RNF213: variants seen among roughly 807,000 people sequenced by gnomAD.
RNF213 encodes E3 ubiquitin-protein ligase RNF213.
In RNF213, 341 loss-of-function variants were observed where a neutral mutation model predicts 514.4. That is an observed-to-expected ratio of 0.66 (90% CI 0.61 to 0.73). The LOEUF is 0.73. Ranked by LOEUF, RNF213 falls within the 30% of genes least tolerant of loss-of-function variation. The pLI is 0.00. For synonymous variants in RNF213, 2,655 were observed against 2,658.2 expected (o/e 1.00, Z 0.04); for missense variants, 5,767 against 6,615.6 (o/e 0.87, Z 4.45).
chr17:80,323,231 A>G (rs1181667192), intron 17 of RNF213, among the ~76,000 whole-genome samples: 1 of 152,190 alleles, frequency 6.6e-6, no homozygotes, highest in Non-Finnish European at 1.5e-5. Flanking sequence ...TTTCAATTCT[A>G]TGTGGTGATC....
chr17:80,333,932 G>C, intron 21 of RNF213, 173 bp from the exon 22 acceptor site: 1 of 646,722 alleles, frequency 1.5e-6, no homozygotes, highest in South Asian at 1.9e-5. Flanking sequence ...AACAGCCATG[G>C]GGGTTTGATC....
rs1425499254 is a variant in RNF213, at chr17:80,391,759, CCTTT to C, written c.15470+1564_15470+1567del. 5.3e-5 allele frequency among the ~76,000 whole-genome samples: 7 copies of C among 132,280 alleles called. No individual in the cohort carries two copies. In the East Asian group the frequency reaches 1.3e-3, roughly 25 times the overall value. The allele number at this position is 132,280 out of a possible 152,430, so 86.8% of individuals were successfully genotyped here. ...TCCTTATCCCAGGATTATAAACTAGCCTTTTTTTTTTTTTTTTTTTTTTTTTTTT... is the reference window on the plus strand; with the variant it reads ...TCCTTATCCCAGGATTATAAACTAGCTTTTTTTTTTTTTTTTTTTTTTTTT... On this transcript the variant is annotated intron_variant, in intron 67 of 67. Coordinates refer to ENST00000582970, the MANE Select transcript of RNF213 (RefSeq NM_001256071.3).
At chr17:80,296,964 C>G (rs780942444) in intron 10 of RNF213, among the ~76,000 whole-genome samples, 15 of 151,358 alleles carry the variant, frequency 9.9e-5, no homozygotes, top group Non-Finnish European at 2.1e-4. Context: ...TAGACATGAG[C>G]CACTGTGCCT....
chr17:80,298,428 G>C lies in RNF213; in HGVS notation c.2120G>C (p.Arg707Pro). ...CACTGCTGTATGGAGCTGGCCCCGC[G>C]GCACAAGGATGCCTGGAGACAGCCT... ...VLHCCMELAP[R>P]HKDAWRQPED... The change falls in exon 11 of 68, where the codon CGG becomes CCG. Residue 707 changes from arginine to proline, a missense_variant. By Grantham distance (103) the Arg-to-Pro change is moderately radical. Around this residue, in one of 13 missense-constraint regions of RNF213, gnomAD observed 592 missense variants for 673.9 expected, o/e 0.88. Coordinates refer to ENST00000582970, the MANE Select transcript of RNF213 (RefSeq NM_001256071.3). 6.2e-7 allele frequency: 1 copy of C among 1,614,184 alleles called. No homozygotes were observed. Among genetic ancestry groups the C allele is most frequent in the East Asian group, 2.2e-5 (1 of 44,880 alleles).
At chr17:80,360,319 A>G (rs759830053) in intron 38 of RNF213, 113 bp downstream of exon 38, 2 of 1,235,040 alleles carry the variant, frequency 1.6e-6, no homozygotes, top group East Asian at 2.5e-5. Flanking sequence ...TGGAGTTTTT[A>G]GTTTTCACAC....
intron 36 of RNF213, chr17:80,355,299 G>A (rs1446884959): frequency 2.3e-6 from 1 of 439,058 alleles, no homozygotes; most frequent in South Asian, 1.6e-5. Flanking sequence ...CTGCAGGAGG[G>A]AACGTGAGGA....
At position 80,396,517 on chromosome 17, in the gene RNF213, C is replaced by G. The variant is rs796257076; in HGVS notation, c.*3019C>G. The stretch of plus-strand genomic sequence containing the variant: ...GCACTAGTGTGCTGAAGGAAAACAC[C>G]TCTGATTTGATACATAAAGTGTGAA... On this transcript the variant is annotated 3_prime_UTR_variant, in exon 68 of 68. Coordinates refer to ENST00000582970, the MANE Select transcript of RNF213 (RefSeq NM_001256071.3). 1.3e-5 allele frequency: 2 copies of G among 152,236 alleles called. No homozygotes were observed. The highest frequency in any genetic ancestry group is 4.8e-5 in the African/African-American group (2 of 41,542). The allele number at this position is 152,236 out of a possible 1,614,324, so 9.4% of individuals were successfully genotyped here.
chr17:80,274,500 G>A (rs1598893382), intron 3 of RNF213, among the ~76,000 whole-genome samples: 1 of 139,440 alleles, frequency 7.2e-6, no homozygotes, highest in African/African-American at 2.7e-5. Context: ...CTGCACTGGG[G>A]CTGGCTTTCT....
At chr17:80,306,995 C>T in intron 12 of RNF213, 133 bp from the exon 13 acceptor site, 1 of 866,310 alleles carries the variant, frequency 1.2e-6, no homozygotes, top group Non-Finnish European at 2.0e-6. Context: ...ATGTGAGCAC[C>T]TTAAAATTTG....
In RNF213 at chr17:80,369,884, G is replaced by A. The variant is rs2079446477; in HGVS notation, c.12425+17G>A. 1 of 1,544,704 alleles carries A rather than the reference G, an allele frequency of 6.5e-7. No homozygotes were observed. The highest frequency in any genetic ancestry group is 8.9e-7 in the Non-Finnish European group (1 of 1,117,350). ...GAAGTACAGGTAAGAACAACATGGA[G>A]ACTTGCTTCTGGAAAGCCCTGGCTT... On this transcript the variant is annotated intron_variant, in intron 46 of 67. Coordinates refer to ENST00000582970, the MANE Select transcript of RNF213 (RefSeq NM_001256071.3).
At chr17:80,381,774 C>T (rs1223878758) in intron 57 of RNF213, 47 bp downstream of exon 57, 7 of 1,559,484 alleles carry the variant, frequency 4.5e-6, no homozygotes, top group Non-Finnish European at 6.1e-6. Flanking sequence ...AGCACAACGG[C>T]AGCGCAAGCA....
intron 1 of RNF213, among the ~76,000 whole-genome samples, chr17:80,262,918 T>C (rs1442163584): frequency 2.0e-5 from 3 of 152,208 alleles, no homozygotes; most frequent in East Asian, 3.9e-4. Flanking sequence ...GTTCTTTGGT[T>C]CCAAGCCAGC....
intron 5 of RNF213, among the ~76,000 whole-genome samples, chr17:80,289,314 G>A (rs180962462): frequency 6.6e-6 from 1 of 152,172 alleles, no homozygotes; most frequent in Non-Finnish European, 1.5e-5. Flanking sequence ...GCTGGGCCAG[G>A]CGCGGTAGCT....
chr17:80,367,831 C>T lies in RNF213; in HGVS notation c.11955C>T (p.Ala3985=). 1.2e-6 allele frequency: 2 copies of T among 1,614,224 alleles called. No individual in the cohort carries two copies. The highest frequency in any genetic ancestry group is 2.2e-5 in the East Asian group (1 of 44,880). The change falls in exon 43 of 68, where the codon GCC becomes GCT. Residue 3985 remains alanine (A), a synonymous_variant. Transcript: ENST00000582970. Reference sequence around the variant, plus strand: ...CTCTCTGTGAATGCAAGGAGACAGCCAGCAAGACCCTCAGCAGGTGAGACC... The same window carrying T: ...CTCTCTGTGAATGCAAGGAGACAGCTAGCAAGACCCTCAGCAGGTGAGACC... ...MRTLCECKET[A]SKTLSRFGIQ... is the part of the protein sequence containing the mutation.
In RNF213 at chr17:80,346,607, T is replaced by C. The variant is rs1270073099; in HGVS notation, c.8272T>C (p.Cys2758Arg). ...LKENVFMMVV[C>R]IELKIPLFLV... The stretch of plus-strand genomic sequence containing the variant: ...GGAGAACGTCTTCATGATGGTCGTC[T>C]GCATCGAGCTGAAGATTCCCCTCTT... Residue 2758 changes from cysteine (C) to arginine (R), a missense_variant, in exon 29 of 68, where the codon TGC becomes CGC. This residue lies in a region of RNF213 where 105 missense variants were observed against 183.9 expected (regional missense o/e 0.57). Transcript: ENST00000582970. This position sits in a 1 kb window ranked among gnomAD's most constrained non-coding sequence, Gnocchi z 8.1. 5.0e-6 allele frequency: 8 copies of C among 1,613,196 alleles called. No homozygotes were observed. Among genetic ancestry groups the C allele is most frequent in the Non-Finnish European group, 6.8e-6 (8 of 1,180,036 alleles).
chr17:80,339,679 A>C lies in RNF213; in HGVS notation c.5312A>C (p.Glu1771Ala), dbSNP rs978281437. The C allele has an allele frequency of 2.0e-6, 3 of 1,537,028 alleles. No homozygotes were observed. The highest frequency in any genetic ancestry group is 2.6e-6 in the Non-Finnish European group (3 of 1,146,884). ...GAGCTCCCGCTGATGCTCTTATCAG[A>C]GTTCAGCCTGGTGGACAAGCTGAGG... ...MEELPLMLLS[E>A]FSLVDKLRII... Residue 1771 changes from glutamate to alanine, a missense_variant, in exon 26 of 68, where the codon GAG (glutamate) becomes GCG (alanine). Around this residue, in one of 13 missense-constraint regions of RNF213, gnomAD observed 1,377 missense variants for 1,635.2 expected, o/e 0.84. Transcript: ENST00000582970.
chr17:80,383,581 A>G (rs2080109649), intron 58 of RNF213, 96 bp from the exon 59 acceptor site: 3 of 1,301,304 alleles, frequency 2.3e-6, no homozygotes, highest in African/African-American at 2.9e-5. Flanking sequence ...AAACGCCCTA[A>G]TATGCAGACA....
intron 3 of RNF213, among the ~76,000 whole-genome samples, chr17:80,278,150 T>G (rs1465043288): frequency 6.6e-6 from 1 of 152,154 alleles, no homozygotes; most frequent in Non-Finnish European, 1.5e-5. Context: ...GTCATTTGGG[T>G]TGGAGGCATC....
At position 80,317,745 on chromosome 17, in the gene RNF213, C is replaced by T. The variant is rs1599010922; in HGVS notation, c.2901+468C>T. On this transcript the variant is annotated intron_variant, in intron 16 of 67. Coordinates refer to ENST00000582970, the MANE Select transcript of RNF213 (RefSeq NM_001256071.3). The surrounding 1 kb of genome is among the most constrained non-coding windows in gnomAD (Gnocchi z 4.1). ...AGGGCATGTTACAGTGCTCTCTTAG[C>T]TCCGCCGTCTATGGACAGTAGTGTG... 6.6e-6 allele frequency among the ~76,000 whole-genome samples: 1 copy of T among 152,190 alleles called. No homozygotes were observed. The highest frequency in any genetic ancestry group is 2.4e-5 in the African/African-American group (1 of 41,448).
Sources: gnomAD v4.1 joint callset for allele counts (sites outside exome capture counted in the v4.1 genomes callset) on GRCh38, gnomAD v4.1.1 for gene constraint, gnomAD v4.1.1 regional missense constraint, Gnocchi (gnomAD v3.1) non-coding constraint, MANE v1.5 for transcripts, NCBI Gene and HGNC (gene_info 2026-07-23, HGNC 2026-07-21) for gene names.